ARHGAP5: variants seen among roughly 807,000 people sequenced by gnomAD.
ARHGAP5 encodes the protein rho GTPase-activating protein 5.
ARHGAP5 carries 23 observed loss-of-function variants against 116.6 expected under a neutral mutation model. The ratio of observed to expected loss-of-function variants is 0.20; its 90% CI spans 0.14 to 0.28. ARHGAP5 has a LOEUF of 0.28. Among genes scored for constraint, ARHGAP5 ranks in the 10% least tolerant of loss-of-function variants. The pLI is 1.00. For synonymous variants in ARHGAP5, 574 were observed against 602.0 expected (o/e 0.95, Z 0.68); for missense variants, 1,405 against 1,774.8 (o/e 0.79, Z 3.74).
chr14:32,092,075 C>T lies in ARHGAP5; in HGVS notation c.1406C>T (p.Ala469Val). The change falls in exon 2 of 7, where the codon GCT (alanine) becomes GTT (valine). Residue 469 changes from alanine (A) to valine (V), a missense_variant. Coordinates refer to ENST00000345122, the MANE Select transcript of ARHGAP5 (RefSeq NM_001030055.2). The surrounding 1 kb of genome is among the most constrained non-coding windows in gnomAD (Gnocchi z 4.1). ...GAAGCCTACAAATATATCACTGAGG[C>T]TGATAGCAAAGAGGTATATGGTAGG... ...EDEAYKYITE[A>V]DSKEVYGRHQ... The T allele has an allele frequency of 6.2e-7, 1 of 1,613,734 alleles. No individual in the cohort carries two copies. The highest frequency in any genetic ancestry group is 8.5e-7 in the Non-Finnish European group (1 of 1,179,768).
In ARHGAP5 at chr14:32,111,839, ATTTTTTT is replaced by A. The variant is rs34512246; in HGVS notation, c.3718-5284_3718-5278del. The stretch of plus-strand genomic sequence containing the variant: ...CATCTGTTGTCACGCTTCTTCTTTG[ATTTTTTT>A]TTTTTTTTTTTTTTTTGACAGAGTC... On this transcript the variant is annotated intron_variant, in intron 2 of 6. Coordinates refer to ENST00000345122, the MANE Select transcript of ARHGAP5 (RefSeq NM_001030055.2). Among the ~76,000 whole-genome samples, 204 of 93,184 alleles carry A rather than the reference ATTTTTTT, an allele frequency of 2.2e-3. 3 individuals carry two copies. The highest frequency in any genetic ancestry group is 8.1e-3 in the Middle Eastern group (1 of 124). 61.1% of individuals were successfully genotyped at this position (93,184 alleles called of 152,430 possible). A position where few individuals can be genotyped will look rare whatever the true frequency, so the allele number is the denominator to read the frequency against.
At chr14:32,138,006 C>T (rs61994794) in intron 3 of ARHGAP5, among the ~76,000 whole-genome samples, 1,582 of 151,510 alleles carry the variant, frequency 0.01, 24 homozygotes, top group South Asian at 0.056. Context: ...ACCTTCCAAT[C>T]CACAAACACA....
chr14:32,130,281 G>A (rs1007725725), intron 3 of ARHGAP5, among the ~76,000 whole-genome samples: 4 of 142,862 alleles, frequency 2.8e-5, no homozygotes, highest in Non-Finnish European at 6.1e-5. Flanking sequence ...GTGGGATCTC[G>A]GCTCACTGCA....
chr14:32,120,133 T>G (rs7141680), intron 3 of ARHGAP5, among the ~76,000 whole-genome samples: 149,776 of 152,142 alleles, frequency 0.98, 73,764 homozygotes, highest in Middle Eastern at 1. Context: ...GTAGATATAG[T>G]GCTATTCAGA....
chr14:32,152,055 C>T (rs1881659073), intron 5 of ARHGAP5, among the ~76,000 whole-genome samples: 1 of 152,140 alleles, frequency 6.6e-6, no homozygotes, highest in African/African-American at 2.4e-5. Context: ...AAACCGGGCT[C>T]CACCTTCTGT....
intron 2 of ARHGAP5, among the ~76,000 whole-genome samples, chr14:32,104,489 G>C (rs1878922153): frequency 6.6e-6 from 1 of 152,086 alleles, no homozygotes; most frequent in Admixed American, 6.5e-5. Flanking sequence ...TCTTCACAAT[G>C]TAAGTTTTCT....
At chr14:32,095,388 G>C (rs966405471) in intron 2 of ARHGAP5, among the ~76,000 whole-genome samples, 22 of 150,994 alleles carry the variant, frequency 1.5e-4, no homozygotes, top group Non-Finnish European at 3.1e-4. Context: ...TCTGGAAAAG[G>C]CATGTAAACT....
chr14:32,112,668 C>G (rs746450245), intron 2 of ARHGAP5, among the ~76,000 whole-genome samples: 2 of 152,224 alleles, frequency 1.3e-5, no homozygotes, highest in African/African-American at 2.4e-5. Flanking sequence ...GTCAGGAGAT[C>G]GAGACCATCC....
intron 3 of ARHGAP5, among the ~76,000 whole-genome samples, chr14:32,120,628 A>G (rs1293711279): frequency 4.0e-5 from 6 of 149,288 alleles, no homozygotes; most frequent in Non-Finnish European, 8.9e-5. Flanking sequence ...TTTTAAATTA[A>G]CTCATCGGTT....
chr14:32,110,550 C>T (rs1460721191), intron 2 of ARHGAP5, among the ~76,000 whole-genome samples: 2 of 152,054 alleles, frequency 1.3e-5, no homozygotes, highest in Non-Finnish European at 2.9e-5. Context: ...GCAAGGAAAC[C>T]ATGTGACTTG....
chr14:32,154,744 A>G lies in ARHGAP5; in HGVS notation c.4305A>G (p.Gln1435=), dbSNP rs369772813. The G allele has an allele frequency of 5.2e-5, 84 of 1,614,078 alleles. No individual in the cohort carries two copies. Among genetic ancestry groups the G allele is most frequent in the Middle Eastern group, 1.6e-4 (1 of 6,084 alleles). The change falls in exon 7 of 7, where the codon CAA becomes CAG. Residue 1435 remains glutamine (Q), a synonymous_variant. Coordinates refer to ENST00000345122, the MANE Select transcript of ARHGAP5 (RefSeq NM_001030055.2). ...TTCTGTCTACTACTAAGATTCATCA[A>G]TCTGTTGTTGAAACATTCATTCAGC... ...REFLSTTKIH[Q]SVVETFIQQC...
At chr14:32,126,204 G>A (rs1472061544) in intron 3 of ARHGAP5, among the ~76,000 whole-genome samples, 1 of 151,242 alleles carries the variant, frequency 6.6e-6, no homozygotes, top group Non-Finnish European at 1.5e-5. Flanking sequence ...TCATCATGGA[G>A]TATGATATCA....
intron 2 of ARHGAP5, among the ~76,000 whole-genome samples, chr14:32,112,434 T>A (rs544223206): frequency 1.3e-5 from 2 of 152,206 alleles, no homozygotes; most frequent in African/African-American, 4.8e-5. Flanking sequence ...GTTGGACACT[T>A]AAAGAGATGT....
chr14:32,143,327 C>A (rs978835925), intron 3 of ARHGAP5, among the ~76,000 whole-genome samples: 1 of 151,832 alleles, frequency 6.6e-6, no homozygotes, highest in Non-Finnish European at 1.5e-5. Flanking sequence ...ACTGCAACCT[C>A]CGCCTCCCAG....
chr14:32,092,846 A>G lies in ARHGAP5; in HGVS notation c.2177A>G (p.Gln726Arg), dbSNP rs1484544809. 2 of 1,613,986 alleles carry G rather than the reference A, an allele frequency of 1.2e-6. No homozygotes were observed. The highest frequency in any genetic ancestry group is 1.7e-6 in the Non-Finnish European group (2 of 1,179,958). Residue 726 changes from glutamine to arginine, a missense_variant, in exon 2 of 7, where the codon CAA (glutamine) becomes CGA (arginine). Gln to Arg is a conservative substitution (Grantham distance 43). Transcript: ENST00000345122. The surrounding 1 kb of genome is among the most constrained non-coding windows in gnomAD (Gnocchi z 4.1). The part of the protein sequence containing the change: ...HQGQQLANKL[Q>R]CPFVDVPAGT... ...GGGCAGCAGTTGGCAAACAAGTTGCAATGTCCTTTTGTAGATGTACCTGCT... is the reference window on the plus strand; with the variant it reads ...GGGCAGCAGTTGGCAAACAAGTTGCGATGTCCTTTTGTAGATGTACCTGCT...
intron 1 of ARHGAP5, among the ~76,000 whole-genome samples, chr14:32,089,791 T>C (rs2041866235): frequency 6.6e-6 from 1 of 151,870 alleles, no homozygotes; most frequent in African/African-American, 2.4e-5. Flanking sequence ...AAAATAAATT[T>C]CGTTATATTT....
rs1491186088 is a variant in ARHGAP5 at position 32,095,415 on chromosome 14, T to TG, written c.3717+1030dup. On this transcript the variant is annotated intron_variant, in intron 2 of 6. Coordinates refer to ENST00000345122, the MANE Select transcript of ARHGAP5 (RefSeq NM_001030055.2). ...ATGTAAACTTTGTTTTTTTTTTTTT[T>TG]GTTTTTTTTTTTTTGAGATGGAGTT... 1.9e-3 allele frequency among the ~76,000 whole-genome samples: 285 copies of TG among 148,620 alleles called. 1 individual carries two copies. Among genetic ancestry groups the TG allele is most frequent in the African/African-American group, 6.9e-3 (272 of 39,196 alleles).
intron 3 of ARHGAP5, among the ~76,000 whole-genome samples, chr14:32,118,053 T>G (rs1879694663): frequency 6.6e-6 from 1 of 152,196 alleles, no homozygotes; most frequent in South Asian, 2.1e-4. Flanking sequence ...CCTTGATAGA[T>G]AAGCATTGTT....
intron 3 of ARHGAP5, among the ~76,000 whole-genome samples, chr14:32,137,754 C>T (rs1057171895): frequency 6.6e-6 from 1 of 151,972 alleles, no homozygotes; most frequent in Admixed American, 6.6e-5. Context: ...GGGCAGATAC[C>T]TGAGGTCAGG....
Sources: gnomAD v4.1 joint callset for allele counts (sites outside exome capture counted in the v4.1 genomes callset) on GRCh38, gnomAD v4.1.1 for gene constraint, Gnocchi (gnomAD v3.1) non-coding constraint, MANE v1.5 for transcripts, NCBI Gene and HGNC (gene_info 2026-07-23, HGNC 2026-07-21) for gene names.